Variants in TAFA5 observed in about 807,000 individuals in gnomAD.
The protein encoded by TAFA5 is chemokine-like protein TAFA-5.
In TAFA5, 6 loss-of-function variants were observed where a neutral mutation model predicts 15.3. The observed-to-expected ratio is 0.39, with a 90% CI of 0.21 to 0.77. The LOEUF (loss-of-function observed/expected upper bound fraction) is 0.77, where lower values mean the gene tolerates loss of function less well. TAFA5 is among the 30% of genes least tolerant of loss of function. The probability of loss-of-function intolerance (pLI) is 0.41; values close to 1 mark genes in which losing one functional copy is unlikely to be tolerated. For synonymous variants in TAFA5, 103 were observed against 80.7 expected (o/e 1.28, Z -1.48); for missense variants, 161 against 193.1 (o/e 0.83, Z 0.98).
chr22:48,492,513 T>G (rs963339053), intron 1 of TAFA5, among the ~76,000 whole-genome samples: 3 of 152,198 alleles, frequency 2.0e-5, no homozygotes, highest in African/African-American at 7.2e-5. Flanking sequence ...TCCGGCCTTC[T>G]TTCTTTCTCG....
At chr22:48,575,911 C>T (rs1333455372) in intron 1 of TAFA5, among the ~76,000 whole-genome samples, 5 of 143,332 alleles carry the variant, frequency 3.5e-5, no homozygotes, top group Admixed American at 6.9e-5. Context: ...CCCCTGAGCC[C>T]CGGGCCGGAG....
chr22:48,687,211 G>A (rs1928389687), intron 2 of TAFA5, among the ~76,000 whole-genome samples: 1 of 150,938 alleles, frequency 6.6e-6, no homozygotes, highest in South Asian at 2.1e-4. Context: ...GGTGGGTGGT[G>A]TATGGTGGAT....
At chr22:48,650,778 T>A (rs1042920216) in intron 2 of TAFA5, among the ~76,000 whole-genome samples, 4 of 151,546 alleles carry the variant, frequency 2.6e-5, no homozygotes, top group African/African-American at 9.7e-5. Context: ...TTTCCATCCT[T>A]ACACACAGTA....
intron 2 of TAFA5, among the ~76,000 whole-genome samples, chr22:48,690,533 C>G (rs1304596976): frequency 3.3e-5 from 5 of 152,152 alleles, no homozygotes; most frequent in Non-Finnish European, 7.3e-5. Context: ...ACCAGCCCAT[C>G]GCCAGGGCCA....
intron 2 of TAFA5, among the ~76,000 whole-genome samples, chr22:48,691,783 G>A (rs28609531): frequency 0.072 from 10,991 of 152,290 alleles, 966 homozygotes; most frequent in African/African-American, 0.2. Context: ...GGCCCCAGGC[G>A]GCTGACGTTG....
intron 1 of TAFA5, among the ~76,000 whole-genome samples, chr22:48,500,729 C>T (rs1006109466): frequency 6.6e-6 from 1 of 152,242 alleles, no homozygotes; most frequent in African/African-American, 2.4e-5. Context: ...CACTGGGGGA[C>T]TGGCTGACAT....
intron 1 of TAFA5, among the ~76,000 whole-genome samples, chr22:48,615,420 G>A (rs1925563423): frequency 6.6e-6 from 1 of 152,164 alleles, no homozygotes; most frequent in East Asian, 1.9e-4. Flanking sequence ...GGCAGCAGGC[G>A]TGGCCGAGGA....
At chr22:48,671,335 T>A (rs1291873772) in intron 2 of TAFA5, among the ~76,000 whole-genome samples, 1 of 152,186 alleles carries the variant, frequency 6.6e-6, no homozygotes, top group Non-Finnish European at 1.5e-5. Context: ...CACCAGCCCT[T>A]TCACCTGTCT....
intron 1 of TAFA5, among the ~76,000 whole-genome samples, chr22:48,553,710 G>C (rs1444063902): frequency 1.3e-5 from 2 of 152,282 alleles, no homozygotes; most frequent in Admixed American, 1.3e-4. Flanking sequence ...TGCCTCCCAC[G>C]GCTCTCTCTC....
chr22:48,712,975 G>A (rs900114771), intron 3 of TAFA5, among the ~76,000 whole-genome samples: 11 of 152,210 alleles, frequency 7.2e-5, no homozygotes, highest in African/African-American at 2.4e-4. Flanking sequence ...CATGCAACTG[G>A]CTTTTGGAAA....
At chr22:48,691,422 G>A (rs949315622) in intron 2 of TAFA5, among the ~76,000 whole-genome samples, 2 of 152,234 alleles carry the variant, frequency 1.3e-5, no homozygotes, top group Non-Finnish European at 2.9e-5. Flanking sequence ...AGGCCTAAGA[G>A]GGAAGATGGA....
intron 2 of TAFA5, among the ~76,000 whole-genome samples, chr22:48,692,422 T>C (rs571969020): frequency 2.0e-5 from 3 of 152,316 alleles, no homozygotes; most frequent in East Asian, 3.9e-4. Context: ...TTTATTTTAA[T>C]TTACTTAATT....
At chr22:48,541,685 G>A (rs1441979692) in intron 1 of TAFA5, among the ~76,000 whole-genome samples, 1 of 152,150 alleles carries the variant, frequency 6.6e-6, no homozygotes, top group African/African-American at 2.4e-5. Flanking sequence ...CAGTGCACCT[G>A]GCCACAGACA....
intron 3 of TAFA5, among the ~76,000 whole-genome samples, chr22:48,747,760 G>A (rs1029356333): frequency 3.9e-5 from 6 of 152,090 alleles, no homozygotes; most frequent in African/African-American, 1.4e-4. Flanking sequence ...AGCCCGGCAT[G>A]GAGGCGCATG....
intron 1 of TAFA5, chr22:48,539,214 T>C: frequency 2.9e-6 from 1 of 343,336 alleles, no homozygotes; most frequent in South Asian, 2.4e-5. Flanking sequence ...TCACTGAGGA[T>C]GCTGGCTGTA....
At chr22:48,651,424 G>T (rs1927049233) in intron 2 of TAFA5, among the ~76,000 whole-genome samples, 1 of 152,228 alleles carries the variant, frequency 6.6e-6, no homozygotes, top group Non-Finnish European at 1.5e-5. Flanking sequence ...GGGCCTGGAG[G>T]TGGGTGTTGG....
intron 1 of TAFA5, among the ~76,000 whole-genome samples, chr22:48,612,628 C>T (rs571834963): frequency 2.7e-5 from 4 of 150,832 alleles, no homozygotes; most frequent in East Asian, 3.9e-4. Flanking sequence ...TCCCGTTCCC[C>T]GCGTGTCTCC....
intron 1 of TAFA5, among the ~76,000 whole-genome samples, chr22:48,599,745 G>A (rs1479320235): frequency 6.6e-6 from 1 of 152,236 alleles, no homozygotes; most frequent in Non-Finnish European, 1.5e-5. Flanking sequence ...GAGCAGGCTT[G>A]CTCATCCCCA....
At chr22:48,627,721 C>T (rs1926074577) in intron 1 of TAFA5, among the ~76,000 whole-genome samples, 1 of 152,228 alleles carries the variant, frequency 6.6e-6, no homozygotes, top group African/African-American at 2.4e-5. Context: ...TGAGGCAGGA[C>T]CCTCTGTGTC....
Sources: allele counts gnomAD v4.1 joint callset (sites outside exome capture counted in the v4.1 genomes callset), GRCh38; gene constraint gnomAD v4.1.1; transcripts MANE v1.5; gene names NCBI Gene and HGNC (gene_info 2026-07-23, HGNC 2026-07-21).